The following SEMA3D variants were observed in gnomAD, a reference collection of about 807,000 sequenced individuals.
The protein encoded by SEMA3D is semaphorin 3D.
Under a neutral mutation model 100.1 loss-of-function variants are expected in SEMA3D, and 84 were observed. That is an observed-to-expected ratio of 0.84 (90% CI 0.70 to 1.01). The LOEUF (loss-of-function observed/expected upper bound fraction) is 1.01, where lower values mean the gene tolerates loss of function less well. Among genes scored for constraint, SEMA3D ranks in the 50% least tolerant of loss-of-function variants. The pLI, the probability that SEMA3D is intolerant of heterozygous loss-of-function variation, is 0.00. For missense variants in SEMA3D, 875 were observed against 934.1 expected (o/e 0.94, Z 0.82); for synonymous variants, 312 against 320.7 (o/e 0.97, Z 0.29).
At chr7:85,071,317 G>A (rs12673176) in intron 6 of SEMA3D, among the ~76,000 whole-genome samples, 37 of 151,970 alleles carry the variant, frequency 2.4e-4, no homozygotes, top group Non-Finnish European at 5.0e-4. Flanking sequence ...TAACTGTCAG[G>A]GTTGCTTTAT....
chr7:85,111,388 C>T (rs1789088629), intron 3 of SEMA3D, among the ~76,000 whole-genome samples: 1 of 152,036 alleles, frequency 6.6e-6, no homozygotes, highest in Non-Finnish European at 1.5e-5. Context: ...ACTTCTTCCA[C>T]AGTATTTCCC....
intron 17 of SEMA3D, among the ~76,000 whole-genome samples, chr7:85,010,079 T>A (rs1789910193): frequency 6.6e-6 from 1 of 151,718 alleles, no homozygotes; most frequent in Non-Finnish European, 1.5e-5. Context: ...ACTATAAGAT[T>A]AATTGATATA....
At chr7:85,167,957 C>T (rs1483171536) in intron 1 of SEMA3D, among the ~76,000 whole-genome samples, 2 of 151,804 alleles carry the variant, frequency 1.3e-5, no homozygotes, top group Non-Finnish European at 2.9e-5. Context: ...GATAAGTCTA[C>T]CTCTCACAGA....
At chr7:85,134,931 G>T (rs1789815250) in intron 2 of SEMA3D, among the ~76,000 whole-genome samples, 1 of 151,938 alleles carries the variant, frequency 6.6e-6, no homozygotes, top group African/African-American at 2.4e-5. Flanking sequence ...CTCCAAAACG[G>T]GAGGAATAAC....
chr7:85,149,618 A>G (rs1178603791), intron 2 of SEMA3D, among the ~76,000 whole-genome samples: 1 of 152,190 alleles, frequency 6.6e-6, no homozygotes, highest in Non-Finnish European at 1.5e-5. Flanking sequence ...ATTTGCCATA[A>G]TGGACTGAGA....
chr7:85,148,666 ACAATACATCT>A (rs1790282040), intron 2 of SEMA3D, among the ~76,000 whole-genome samples: 1 of 152,176 alleles, frequency 6.6e-6, no homozygotes. Flanking sequence ...TCTTCTCAGT[ACAATACATCT>A]CACAGGAACT....
chr7:85,247,353 C>T, the SEMA3D span, among the ~76,000 whole-genome samples: 1 of 152,086 alleles, frequency 6.6e-6, no homozygotes, highest in East Asian at 1.9e-4. Context: ...TTCAAACTTA[C>T]ATGTGAAGAG....
chr7:85,062,440 G>C (rs920737942), intron 8 of SEMA3D, among the ~76,000 whole-genome samples: 2 of 152,128 alleles, frequency 1.3e-5, no homozygotes, highest in Non-Finnish European at 2.9e-5. Flanking sequence ...TTTCAAGGAA[G>C]TAAAAGCTCT....
chr7:85,073,691 C>T lies in SEMA3D; in HGVS notation c.376-610G>A, dbSNP rs1045983166. ...CACTGAACAAAACACTGAACACAAA[C>T]GTGCATCTCTACCTATGTATTCAAT... is the stretch of plus-strand genomic sequence containing the variant. On this transcript the variant is annotated intron_variant, in intron 5 of 18. Transcript: ENST00000284136. 6.6e-5 allele frequency among the ~76,000 whole-genome samples: 10 copies of T among 152,330 alleles called. No individual in the cohort carries two copies. The Middle Eastern group carries it at 0.014, about 207-fold the overall frequency.
At chr7:85,042,066 C>T in intron 10 of SEMA3D, 105 bp downstream of exon 10, 3 of 827,358 alleles carry the variant, frequency 3.6e-6, no homozygotes, top group Non-Finnish European at 4.1e-6. Flanking sequence ...GTAAGGTTTG[C>T]TCAGGTAAAA....
chr7:85,064,283 C>A (rs1052049861), intron 8 of SEMA3D, among the ~76,000 whole-genome samples: 2 of 152,152 alleles, frequency 1.3e-5, no homozygotes, highest in Admixed American at 6.6e-5. Context: ...TAAGAAGTTA[C>A]TCTCAAACCA....
At chr7:85,187,479 C>T (rs1791593043), upstream of SEMA3D, among the ~76,000 whole-genome samples, 1 of 152,146 alleles carries the variant, frequency 6.6e-6, no homozygotes, top group Middle Eastern at 3.2e-3. Flanking sequence ...ACAAGGCAGG[C>T]ATAGGGATGA....
At chr7:85,044,369 T>C (rs1388693399) in intron 9 of SEMA3D, among the ~76,000 whole-genome samples, 1 of 152,116 alleles carries the variant, frequency 6.6e-6, no homozygotes, top group Non-Finnish European at 1.5e-5. Flanking sequence ...AGTGAATTAT[T>C]TTTTACATTC....
chr7:85,190,103 G>A (rs1392619158), upstream of SEMA3D, among the ~76,000 whole-genome samples: 1 of 152,072 alleles, frequency 6.6e-6, no homozygotes, highest in East Asian at 1.9e-4. Flanking sequence ...AGATTTGGCT[G>A]TCCTCTCAGC....
At chr7:85,209,854 C>T in the SEMA3D span, among the ~76,000 whole-genome samples, 11 of 152,098 alleles carry the variant, frequency 7.2e-5, no homozygotes, top group South Asian at 2.1e-4. Context: ...TTTTTTAAAA[C>T]GATGACAAAA....
At chr7:85,148,199 T>A (rs953571711) in intron 2 of SEMA3D, among the ~76,000 whole-genome samples, 2 of 152,184 alleles carry the variant, frequency 1.3e-5, no homozygotes, top group African/African-American at 4.8e-5. Context: ...CTACTAAGTA[T>A]CACTATTAAT....
chr7:85,189,700 A>G (rs1562850463), upstream of SEMA3D, among the ~76,000 whole-genome samples: 1 of 152,188 alleles, frequency 6.6e-6, no homozygotes, highest in East Asian at 1.9e-4. Flanking sequence ...AATAACTTTC[A>G]TGTTCTTGGA....
the SEMA3D span, among the ~76,000 whole-genome samples, chr7:85,196,985 C>T: frequency 6.6e-6 from 1 of 151,860 alleles, no homozygotes; most frequent in African/African-American, 2.4e-5. Flanking sequence ...GAGTCATGCC[C>T]TACAAATCAT....
At chr7:85,211,967 G>A in the SEMA3D span, among the ~76,000 whole-genome samples, 2 of 152,060 alleles carry the variant, frequency 1.3e-5, no homozygotes, top group Non-Finnish European at 2.9e-5. Flanking sequence ...GTCAACAATA[G>A]GCTGTAGTGA....
Sources: gnomAD v4.1 joint callset for allele counts (sites outside exome capture counted in the v4.1 genomes callset) on GRCh38, gnomAD v4.1.1 for gene constraint, MANE v1.5 for transcripts, NCBI Gene and HGNC (gene_info 2026-07-23, HGNC 2026-07-21) for gene names.